CEP57L1: variants seen among roughly 807,000 people sequenced by gnomAD.
The protein encoded by CEP57L1 is centrosomal protein 57 like 1, also known as centrosomal protein CEP57L1.
In CEP57L1, 37 loss-of-function variants were observed where a neutral mutation model predicts 61.0. That is an observed-to-expected ratio of 0.61 (90% CI 0.47 to 0.80). The LOEUF (loss-of-function observed/expected upper bound fraction) is 0.80, where lower values mean the gene tolerates loss of function less well. CEP57L1 is among the 30% of genes least tolerant of loss of function. The pLI, the probability that CEP57L1 is intolerant of heterozygous loss-of-function variation, is 0.00. For missense variants in CEP57L1, 422 were observed against 524.7 expected, an observed-to-expected ratio of 0.80 and a Z score of 1.91; for synonymous variants, 137 against 162.3, an observed-to-expected ratio of 0.84 and a Z score of 1.19.
chr6:109,151,381 TA>T (rs936829182), intron 4 of CEP57L1, among the ~76,000 whole-genome samples: 14 of 152,320 alleles, frequency 9.2e-5, no homozygotes, highest in African/African-American at 3.1e-4. Flanking sequence ...CTCTATGAAC[TA>T]AAATGTGTAT....
chr6:109,129,279 A>G, intron 1 of CEP57L1: 1 of 836,976 alleles, frequency 1.2e-6, no homozygotes, highest in Non-Finnish European at 1.6e-6. Flanking sequence ...TATCTTTATT[A>G]ACTTAAGCTA....
At chr6:109,141,132 G>A (rs780009523) in intron 1 of CEP57L1, among the ~76,000 whole-genome samples, 5 of 151,818 alleles carry the variant, frequency 3.3e-5, no homozygotes, top group South Asian at 2.1e-4. Flanking sequence ...GCCCAGCTGC[G>A]TTTTCTTTAT....
intron 1 of CEP57L1, among the ~76,000 whole-genome samples, chr6:109,103,530 A>G (rs1211537089): frequency 5.3e-5 from 8 of 152,184 alleles, no homozygotes; most frequent in African/African-American, 1.9e-4. Flanking sequence ...TCAGAATACC[A>G]TGCCCCTTTT....
At chr6:109,146,389 T>C (rs1771960540) in intron 2 of CEP57L1, among the ~76,000 whole-genome samples, 2 of 151,916 alleles carry the variant, frequency 1.3e-5, no homozygotes, top group South Asian at 4.1e-4. Flanking sequence ...GCCATGTTAA[T>C]TAGTAGAAAT....
chr6:109,138,855 C>T (rs1322461667), intron 1 of CEP57L1, among the ~76,000 whole-genome samples: 3 of 152,172 alleles, frequency 2.0e-5, no homozygotes, highest in Admixed American at 6.5e-5. Flanking sequence ...TAGTACCAAA[C>T]TCTATATATA....
chr6:109,112,097 G>T (rs1331549678), intron 1 of CEP57L1, among the ~76,000 whole-genome samples: 1 of 152,196 alleles, frequency 6.6e-6, no homozygotes, highest in African/African-American at 2.4e-5. Flanking sequence ...CAGAAGGAAT[G>T]GTACCAGCCC....
intron 1 of CEP57L1, among the ~76,000 whole-genome samples, chr6:109,132,178 G>C (rs565918257): frequency 3.3e-5 from 5 of 152,098 alleles, no homozygotes; most frequent in Non-Finnish European, 5.9e-5. Context: ...CAGGATCCTA[G>C]CAGAAAAAAT....
intron 1 of CEP57L1, among the ~76,000 whole-genome samples, chr6:109,117,214 G>A (rs915882458): frequency 6.6e-6 from 1 of 152,052 alleles, no homozygotes; most frequent in Non-Finnish European, 1.5e-5. Flanking sequence ...AAATATCATG[G>A]ATTTATATAT....
At chr6:109,148,284 A>G (rs1772192371) in intron 3 of CEP57L1, among the ~76,000 whole-genome samples, 1 of 151,432 alleles carries the variant, frequency 6.6e-6, no homozygotes, top group Non-Finnish European at 1.5e-5. Flanking sequence ...CCACCCCACA[A>G]CAGTCCCCAG....
At chr6:109,162,508 T>A (rs140948389) in intron 10 of CEP57L1, among the ~76,000 whole-genome samples, 192 of 152,244 alleles carry the variant, frequency 1.3e-3, no homozygotes, top group African/African-American at 4.4e-3. Context: ...ATGTGCTTTT[T>A]TTCACTAATA....
chr6:109,147,137 A>G (rs1246534394), intron 3 of CEP57L1, among the ~76,000 whole-genome samples, 200 bp downstream of exon 3: 1 of 152,168 alleles, frequency 6.6e-6, no homozygotes, highest in Non-Finnish European at 1.5e-5. Context: ...CTTACTTATC[A>G]TAATTCATAA....
intron 4 of CEP57L1, among the ~76,000 whole-genome samples, chr6:109,152,961 T>C (rs1467068613): frequency 6.6e-6 from 1 of 151,368 alleles, no homozygotes; most frequent in Non-Finnish European, 1.5e-5. Context: ...ATACAAAACT[T>C]AGTGTAGGGC....
chr6:109,140,876 G>T (rs1490298592), intron 1 of CEP57L1, among the ~76,000 whole-genome samples: 1 of 151,814 alleles, frequency 6.6e-6, no homozygotes, highest in Non-Finnish European at 1.5e-5. Context: ...TGTTGCCCAG[G>T]CTGGAGTGCA....
chr6:109,162,707 G>T (rs1773824532), intron 10 of CEP57L1, 42 bp from the exon 11 acceptor site: 2 of 1,248,242 alleles, frequency 1.6e-6, no homozygotes, highest in African/African-American at 3.1e-5. Flanking sequence ...TATATTTTTA[G>T]TATATTTTTG....
At chr6:109,153,231 C>CT (rs34538762) in intron 4 of CEP57L1, among the ~76,000 whole-genome samples, 986 of 79,008 alleles carry the variant, frequency 0.012, 334 homozygotes, top group East Asian at 0.033. Flanking sequence ...CTAATCTGCA[C>CT]TTTTTTTTTT....
intron 4 of CEP57L1, among the ~76,000 whole-genome samples, chr6:109,151,148 T>C (rs901721147): frequency 2.0e-5 from 3 of 152,214 alleles, no homozygotes; most frequent in Non-Finnish European, 4.4e-5. Flanking sequence ...TAAAGTGTTC[T>C]AATATCCTTG....
In CEP57L1 at chr6:109,169,614, GGCA is replaced by G. The variant is rs1774310591; in HGVS notation, c.*6645_*6647del. 6.6e-6 allele frequency among the ~76,000 whole-genome samples: 1 copy of G among 152,006 alleles called. No homozygotes were observed. The highest frequency in any genetic ancestry group is 1.5e-5 in the Non-Finnish European group (1 of 67,996). ...AGAGAAATACTGGTTTTCTAATGTG[GGCA>G]AATAAATACATTCAGTATGAATCCC... On this transcript the variant is annotated 3_prime_UTR_variant, in exon 11 of 11. Coordinates refer to ENST00000517392, the MANE Select transcript of CEP57L1 (RefSeq NM_001271852.3).
intron 1 of CEP57L1, among the ~76,000 whole-genome samples, chr6:109,097,175 AATT>A (rs1335184919): frequency 6.6e-6 from 1 of 152,212 alleles, no homozygotes; most frequent in African/African-American, 2.4e-5. Flanking sequence ...TCTATGGCCA[AATT>A]ATTATGAAGT....
At chr6:109,118,074 C>T (rs1373746928) in intron 1 of CEP57L1, among the ~76,000 whole-genome samples, 4 of 152,194 alleles carry the variant, frequency 2.6e-5, no homozygotes, top group South Asian at 2.1e-4. Flanking sequence ...CTCACTCTGT[C>T]GCCCAGGCTG....
Sources: gnomAD v4.1 joint callset for allele counts (sites outside exome capture counted in the v4.1 genomes callset) on GRCh38, gnomAD v4.1.1 for gene constraint, MANE v1.5 for transcripts, NCBI Gene and HGNC (gene_info 2026-07-23, HGNC 2026-07-21) for gene names.